AKT3: variants seen among roughly 807,000 people sequenced by gnomAD.
The protein encoded by AKT3 is AKT serine/threonine kinase 3.
AKT3 carries 15 observed loss-of-function variants against 65.3 expected under a neutral mutation model. The ratio of observed to expected loss-of-function variants is 0.23; its 90% CI spans 0.15 to 0.35. The LOEUF (loss-of-function observed/expected upper bound fraction) is 0.35. AKT3 is among the 10% of genes least tolerant of loss of function. The pLI, the probability that AKT3 is intolerant of heterozygous loss-of-function variation, is 1.00. For synonymous variants in AKT3, 206 were observed against 183.8 expected (o/e 1.12, Z -0.98); for missense variants, 243 against 576.5 (o/e 0.42, Z 5.92).
rs1246242406 is a variant in AKT3, at chr1:243,776,329, C to G, written c.46+66796G>C. Among the ~76,000 whole-genome samples, 54 of 152,250 alleles carry G rather than the reference C, an allele frequency of 3.5e-4. 1 individual carries two copies. The highest frequency in any genetic ancestry group is 3.5e-3 in the Admixed American group (54 of 15,294). ...TGCTTGTCTCCACTAAAGACTGTAA[C>G]AAAATCCGTATGTTGAAACGCTAAC... On this transcript the variant is annotated intron_variant, in intron 2 of 13. Coordinates refer to ENST00000673466, the MANE Select transcript of AKT3 (RefSeq NM_005465.7).
chr1:243,556,306 T>C (rs1041261857), intron 10 of AKT3, among the ~76,000 whole-genome samples: 1 of 152,146 alleles, frequency 6.6e-6, no homozygotes. Context: ...CAAAGAATGA[T>C]ATTGAATGAG....
intron 9 of AKT3, among the ~76,000 whole-genome samples, chr1:243,566,795 T>C (rs1039329467): frequency 1.3e-5 from 2 of 152,164 alleles, no homozygotes; most frequent in East Asian, 1.9e-4. Flanking sequence ...ATTGAATAAA[T>C]GAACTCATCT....
At chr1:243,650,233 C>T (rs190737413) in intron 4 of AKT3, among the ~76,000 whole-genome samples, 132 of 152,220 alleles carry the variant, frequency 8.7e-4, no homozygotes, top group Non-Finnish European at 1.5e-3. Flanking sequence ...TGTTCATATC[C>T]TTTGCCCACT....
In AKT3 at chr1:243,693,243, GATATATATAT is replaced by G. The variant is rs1172388560; in HGVS notation, c.172+2338_172+2347del. Among the ~76,000 whole-genome samples, 37 of 45,394 alleles carry G rather than the reference GATATATATAT, an allele frequency of 8.2e-4. 1 individual carries two copies. The highest frequency in any genetic ancestry group is 3.4e-3 in the East Asian group (4 of 1,194). 29.8% of individuals were successfully genotyped at this position (45,394 alleles called of 152,430 possible). A position where few individuals can be genotyped will look rare whatever the true frequency, so the allele number is the denominator to read the frequency against. ...TATATCCCTTTGGTAGCTACAATTT[GATATATATAT>G]ATATATATATATATATATATATATA... On this transcript the variant is annotated intron_variant, in intron 3 of 13. Transcript: ENST00000673466.
chr1:243,650,876 G>A (rs549337035), intron 4 of AKT3, among the ~76,000 whole-genome samples: 1 of 152,098 alleles, frequency 6.6e-6, no homozygotes, highest in African/African-American at 2.4e-5. Flanking sequence ...GGATTGTCTT[G>A]GCTATGCGGG....
At chr1:243,569,141 G>A (rs999798956) in intron 9 of AKT3, among the ~76,000 whole-genome samples, 2 of 152,128 alleles carry the variant, frequency 1.3e-5, no homozygotes, top group Non-Finnish European at 2.9e-5. Context: ...TTCCTACTCT[G>A]CACATTGCAA....
At chr1:243,803,338 C>G (rs536718020) in intron 2 of AKT3, among the ~76,000 whole-genome samples, 1 of 151,978 alleles carries the variant, frequency 6.6e-6, no homozygotes, top group South Asian at 2.1e-4. Flanking sequence ...AGGAGAAATC[C>G]AGGTTGGTGG....
chr1:243,662,630 G>A (rs1230414608), intron 4 of AKT3, among the ~76,000 whole-genome samples: 1 of 151,240 alleles, frequency 6.6e-6, no homozygotes, highest in Non-Finnish European at 1.5e-5. Context: ...TGGGTGCAGC[G>A]CACCAGCATG....
chr1:243,671,760 GTTA>G (rs1472764051), intron 3 of AKT3, among the ~76,000 whole-genome samples: 12 of 152,184 alleles, frequency 7.9e-5, no homozygotes, highest in Non-Finnish European at 1.5e-4. Flanking sequence ...CCTAAAAGGT[GTTA>G]TTATCTTCCA....
chr1:243,608,380 A>T (rs1352708222), intron 8 of AKT3, among the ~76,000 whole-genome samples: 1 of 152,248 alleles, frequency 6.6e-6, no homozygotes, highest in Non-Finnish European at 1.5e-5. Flanking sequence ...TAAGAAGAAG[A>T]TGCTATTGTT....
At chr1:243,817,887 C>T (rs936584995) in intron 2 of AKT3, among the ~76,000 whole-genome samples, 1 of 152,176 alleles carries the variant, frequency 6.6e-6, no homozygotes, top group African/African-American at 2.4e-5. Context: ...CATGAATTAA[C>T]TCAGGCATGG....
At chr1:243,724,237 A>G (rs1364077134) in intron 2 of AKT3, among the ~76,000 whole-genome samples, 2 of 151,378 alleles carry the variant, frequency 1.3e-5, no homozygotes, top group Admixed American at 6.6e-5. Context: ...ATCTAGAAAA[A>G]TTGAGGGGAA....
chr1:243,642,838 C>A (rs986875823), intron 5 of AKT3, among the ~76,000 whole-genome samples: 2 of 152,098 alleles, frequency 1.3e-5, no homozygotes, highest in East Asian at 3.8e-4. Context: ...GTCTAGCCCA[C>A]AAATTAGATT....
At chr1:243,809,757 T>C (rs1693004944) in intron 2 of AKT3, among the ~76,000 whole-genome samples, 1 of 152,188 alleles carries the variant, frequency 6.6e-6, no homozygotes, top group Non-Finnish European at 1.5e-5. Flanking sequence ...ACTACACTTA[T>C]TCCAAAATTG....
At position 243,786,900 on chromosome 1, in the gene AKT3, G is replaced by A. The variant is rs181238419; in HGVS notation, c.46+56225C>T. 9.2e-5 allele frequency among the ~76,000 whole-genome samples: 14 copies of A among 152,184 alleles called. 1 individual carries two copies. The highest frequency in any genetic ancestry group is 7.2e-4 in the Admixed American group (11 of 15,288). On this transcript the variant is annotated intron_variant, in intron 2 of 13. Transcript: ENST00000673466. ...GCTACTGACATGCTAAAAAAGCTGT[G>A]AAGAAAAGGAAATTAAAGAAGGCAA...
At chr1:243,574,043 A>G (rs923193639) in intron 8 of AKT3, among the ~76,000 whole-genome samples, 1 of 152,168 alleles carries the variant, frequency 6.6e-6, no homozygotes, top group African/African-American at 2.4e-5. Context: ...ATAGATACAC[A>G]ATACATGTCT....
At chr1:243,639,506 A>G (rs1332733866) in intron 5 of AKT3, among the ~76,000 whole-genome samples, 8 of 152,140 alleles carry the variant, frequency 5.3e-5, no homozygotes, top group Non-Finnish European at 1.2e-4. Flanking sequence ...CAAAACCAAG[A>G]TGGTGATGAA....
intron 2 of AKT3, among the ~76,000 whole-genome samples, chr1:243,705,298 A>G (rs1006160073): frequency 2.0e-5 from 3 of 152,196 alleles, no homozygotes; most frequent in African/African-American, 4.8e-5. Context: ...ATACCTATGC[A>G]TTGAATACCA....
Position 243,613,525 on chromosome 1 carries a change from G to A in AKT3, c.696+146C>T, listed in dbSNP as rs914948494. 1.6e-5 allele frequency: 7 copies of A among 449,802 alleles called. No individual in the cohort carries two copies. The East Asian group carries it at 2.1e-4, about 14-fold the overall frequency. The allele number at this position is 449,802 out of a possible 1,614,324, so 27.9% of individuals were successfully genotyped here. A position where few individuals can be genotyped will look rare whatever the true frequency, so the allele number is the denominator to read the frequency against. On this transcript the variant is annotated intron_variant, in intron 8 of 13. Transcript: ENST00000673466. ...ATTACATCTCATCAGAAATAATTTC[G>A]CTCCCATTTGTTCAATAGTATTAAG...
Sources: gnomAD v4.1 joint callset for allele counts (sites outside exome capture counted in the v4.1 genomes callset) on GRCh38, gnomAD v4.1.1 for gene constraint, MANE v1.5 for transcripts, NCBI Gene and HGNC (gene_info 2026-07-23, HGNC 2026-07-21) for gene names.